The following DLC1 variants were observed in gnomAD, a reference collection of about 807,000 sequenced individuals.
DLC1 encodes the protein rho GTPase-activating protein 7.
In DLC1, 54 loss-of-function variants were observed where a neutral mutation model predicts 140.3. The ratio of observed to expected loss-of-function variants is 0.38; its 90% CI spans 0.31 to 0.48. DLC1 has a LOEUF of 0.48. DLC1 is among the 20% of genes least tolerant of loss of function. The pLI, the probability that DLC1 is intolerant of heterozygous loss-of-function variation, is 0.96. For synonymous variants in DLC1, 986 were observed against 728.1 expected, an observed-to-expected ratio of 1.35 and a Z score of -5.70; for missense variants, 2,536 against 1,907.0, an observed-to-expected ratio of 1.33 and a Z score of -6.14.
At chr8:13,498,074 A>T (rs1801597629) in intron 2 of DLC1, among the ~76,000 whole-genome samples, 1 of 152,190 alleles carries the variant, frequency 6.6e-6, no homozygotes, top group African/African-American at 2.4e-5. Context: ...TTTTGTGTTT[A>T]GGAGAATTGC....
chr8:13,321,979 C>G (rs1256879594), intron 4 of DLC1, among the ~76,000 whole-genome samples: 1 of 152,078 alleles, frequency 6.6e-6, no homozygotes, highest in Non-Finnish European at 1.5e-5. Flanking sequence ...GCTGCATTTT[C>G]ATAGATCCTC....
intron 1 of DLC1, among the ~76,000 whole-genome samples, chr8:13,579,285 G>T (rs1213064687): frequency 1.3e-3 from 32 of 25,232 alleles, no homozygotes; most frequent in African/African-American, 4.0e-3. Context: ...TATCTACCTG[G>T]ACTTAAAGTC....
intron 5 of DLC1, among the ~76,000 whole-genome samples, chr8:13,143,644 A>C (rs1823185064): frequency 1.3e-5 from 2 of 150,944 alleles, no homozygotes; most frequent in Non-Finnish European, 3.0e-5. Context: ...TTTCCTGCTA[A>C]ATTGGTGTCC....
intron 4 of DLC1, among the ~76,000 whole-genome samples, chr8:13,373,303 T>C (rs566602887): frequency 6.6e-6 from 1 of 152,320 alleles, no homozygotes; most frequent in East Asian, 1.9e-4. Flanking sequence ...CTGTGGGCTT[T>C]TCCCTGATGA....
At chr8:13,215,134 C>A (rs1033183160) in intron 5 of DLC1, among the ~76,000 whole-genome samples, 2 of 152,174 alleles carry the variant, frequency 1.3e-5, no homozygotes, top group Non-Finnish European at 2.9e-5. Context: ...AGCTTACATG[C>A]TAACGGAGCC....
chr8:13,538,374 A>C (rs1563427607), intron 1 of DLC1, among the ~76,000 whole-genome samples: 2 of 152,128 alleles, frequency 1.3e-5, no homozygotes, highest in Non-Finnish European at 2.9e-5. Flanking sequence ...AGTATAAAAA[A>C]AAAAAACAGC....
At chr8:13,153,520 G>C (rs554301133) in intron 5 of DLC1, among the ~76,000 whole-genome samples, 3 of 152,180 alleles carry the variant, frequency 2.0e-5, no homozygotes, top group African/African-American at 7.2e-5. Context: ...GCCACTGCTG[G>C]CTCCAGCAGC....
chr8:13,253,498 A>T (rs1830093934), intron 5 of DLC1, among the ~76,000 whole-genome samples: 1 of 152,114 alleles, frequency 6.6e-6, no homozygotes. Context: ...ATGCACATGG[A>T]CATATGACAC....
chr8:13,461,625 G>A (rs1799663035), intron 2 of DLC1, among the ~76,000 whole-genome samples: 3 of 152,108 alleles, frequency 2.0e-5, no homozygotes, highest in South Asian at 2.1e-4. Flanking sequence ...TTTACTATTG[G>A]TTTATTATTA....
At chr8:13,138,875 A>C (rs7015031) in intron 5 of DLC1, among the ~76,000 whole-genome samples, 70,428 of 151,942 alleles carry the variant, frequency 0.46, 16,561 homozygotes, top group Admixed American at 0.55. Context: ...ATTCACCACC[A>C]TTTAATTTTA....
chr8:13,170,593 G>A (rs1299709694), intron 5 of DLC1, among the ~76,000 whole-genome samples: 2 of 152,054 alleles, frequency 1.3e-5, no homozygotes, highest in East Asian at 1.9e-4. Flanking sequence ...AGCTGGGCAT[G>A]GTGGCGGGCA....
At chr8:13,597,078 A>G (rs939666775) in intron 1 of DLC1, among the ~76,000 whole-genome samples, 8 of 151,864 alleles carry the variant, frequency 5.3e-5, no homozygotes, top group Admixed American at 6.6e-5. Flanking sequence ...CATATTTTTC[A>G]TCTCAATATG....
At chr8:13,418,412 C>A (rs1287434521) in intron 2 of DLC1, among the ~76,000 whole-genome samples, 9 of 152,114 alleles carry the variant, frequency 5.9e-5, no homozygotes, top group African/African-American at 2.2e-4. Context: ...GGAAGGGATC[C>A]AGTTTCAGCT....
In DLC1 at chr8:13,499,946, T is replaced by G; in HGVS notation, c.126A>C (p.Ala42=). Residue 42 remains alanine (A), a synonymous_variant, in exon 2 of 18, where the codon GCA becomes GCC. Coordinates refer to ENST00000276297, the MANE Select transcript of DLC1 (RefSeq NM_182643.3). ...HHGLVADSLQ[A]SMEKDATLNV... ...TTAGAGTTGCATCTTTTTCCATACT[T>G]GCCTGCAAGCTGTCAGCTACTAGTC... The G allele has an allele frequency of 6.2e-7, 1 of 1,614,114 alleles. No individual in the cohort carries two copies. The highest frequency in any genetic ancestry group is 8.5e-7 in the Non-Finnish European group (1 of 1,180,006).
chr8:13,181,132 C>G (rs889639492), intron 5 of DLC1, among the ~76,000 whole-genome samples: 1 of 151,944 alleles, frequency 6.6e-6, no homozygotes, highest in Non-Finnish European at 1.5e-5. Context: ...CCCATGGTGT[C>G]CCCCTTGTTG....
intron 2 of DLC1, among the ~76,000 whole-genome samples, chr8:13,476,330 T>G (rs927777200): frequency 1.1e-4 from 16 of 152,218 alleles, no homozygotes; most frequent in Admixed American, 3.9e-4. Flanking sequence ...GATTGAGGTT[T>G]TGAAAGTATT....
Position 13,407,400 on chromosome 8 carries a change from T to G in DLC1, c.1024-5781A>C, listed in dbSNP as rs556817810. ...CCCTCTTTCTACAAATGCTCTTAAC[T>G]GAACAGCACAAACACAGCACACACA... On this transcript the variant is annotated intron_variant, in intron 2 of 17. Coordinates refer to ENST00000276297, the MANE Select transcript of DLC1 (RefSeq NM_182643.3). Among the ~76,000 whole-genome samples, 5 of 152,244 alleles carry G rather than the reference T, an allele frequency of 3.3e-5. No homozygotes were observed. The South Asian group carries it at 8.3e-4, about 25-fold the overall frequency.
Position 13,084,881 on chromosome 8 carries a change from G to A in DLC1, c.*930C>T, listed in dbSNP as rs1817426110. The stretch of plus-strand genomic sequence containing the variant: ...CAAAAATGCAAAGAATTCTAACAGG[G>A]AAAAAGTGTTGATGCTTGATTTAAG... On this transcript the variant is annotated 3_prime_UTR_variant, in exon 18 of 18. Transcript: ENST00000276297. 6.6e-6 allele frequency: 1 copy of A among 152,108 alleles called. No homozygotes were observed. Among genetic ancestry groups the A allele is most frequent in the South Asian group, 2.1e-4 (1 of 4,818 alleles). The allele number at this position is 152,108 out of a possible 1,614,324, so 9.4% of individuals were successfully genotyped here.
intron 1 of DLC1, among the ~76,000 whole-genome samples, chr8:13,582,876 GTCTATATATATATATATA>G (rs1805159310): frequency 4.8e-5 from 2 of 41,988 alleles, no homozygotes; most frequent in African/African-American, 1.7e-4. Flanking sequence ...ATATACTGTG[GTCTATATATATATATATA>G]TATATATATA....
Sources: gnomAD v4.1 joint callset for allele counts (sites outside exome capture counted in the v4.1 genomes callset) on GRCh38, gnomAD v4.1.1 for gene constraint, MANE v1.5 for transcripts, NCBI Gene and HGNC (gene_info 2026-07-23, HGNC 2026-07-21) for gene names.